KIAA0753: variants seen among roughly 807,000 people sequenced by gnomAD.
The protein encoded by KIAA0753 is KIAA0753, also known as protein moonraker.
KIAA0753 carries 114 observed loss-of-function variants against 116.9 expected under a neutral mutation model. That is an observed-to-expected ratio of 0.98 (90% confidence interval 0.84 to 1.14). The LOEUF is 1.14. Among genes scored for constraint, KIAA0753 ranks in the 50% most tolerant of loss-of-function variants. The probability of loss-of-function intolerance (pLI) is 0.00; values close to 1 mark genes in which losing one functional copy is unlikely to be tolerated. For missense variants in KIAA0753, 1,156 were observed against 1,172.4 expected (o/e 0.99, Z 0.20); for synonymous variants, 405 against 413.1 (o/e 0.98, Z 0.24).
intron 13 of KIAA0753, 79 bp downstream of exon 13, chr17:6,600,301 C>A (rs1273894071): frequency 1.4e-5 from 15 of 1,082,860 alleles, no homozygotes; most frequent in Non-Finnish European, 1.8e-5. Context: ...TATAAAGGAT[C>A]AATGAGACCT....
intron 18 of KIAA0753, among the ~76,000 whole-genome samples, chr17:6,586,105 T>A (rs1158013319): frequency 6.6e-6 from 1 of 152,178 alleles, no homozygotes; most frequent in Non-Finnish European, 1.5e-5. Flanking sequence ...TCTGGTCATT[T>A]AAAAGTGTGT....
At chr17:6,587,119 C>CT (rs1488436422) in intron 18 of KIAA0753, among the ~76,000 whole-genome samples, 72 of 152,198 alleles carry the variant, frequency 4.7e-4, no homozygotes, top group Non-Finnish European at 8.4e-4. Context: ...GTAATCCTAG[C>CT]TACTCAGGAG....
At chr17:6,591,088 AG>A in intron 16 of KIAA0753, among the ~76,000 whole-genome samples, 1 of 139,704 alleles carries the variant, frequency 7.2e-6, no homozygotes. Context: ...AAGAAGAAGA[AG>A]AAGAAGAAGA....
intron 16 of KIAA0753, among the ~76,000 whole-genome samples, chr17:6,594,505 ACAAT>A (rs1231008171): frequency 6.6e-6 from 1 of 152,234 alleles, no homozygotes; most frequent in Non-Finnish European, 1.5e-5. Context: ...GAAACTCTAG[ACAAT>A]CAAAGCTAAC....
chr17:6,623,192 T>A, intron 5 of KIAA0753, 95 bp from the exon 6 acceptor site: 1 of 1,219,052 alleles, frequency 8.2e-7, no homozygotes, highest in African/African-American at 1.5e-5. Context: ...GTCTTCTTTC[T>A]GTATAAAGTG....
In KIAA0753 at chr17:6,579,713, A is replaced by C. The variant is rs1399364047; in HGVS notation, c.*34T>G. 7.0e-7 allele frequency: 1 copy of C among 1,431,634 alleles called. No individual in the cohort carries two copies. Among genetic ancestry groups the C allele is most frequent in the East Asian group, 2.3e-5 (1 of 43,976 alleles). The allele number at this position is 1,431,634 out of a possible 1,614,324, so 88.7% of individuals were successfully genotyped here. On this transcript the variant is annotated 3_prime_UTR_variant, in exon 19 of 19. Transcript: ENST00000361413. ...CAAAGGGTGGTGCCATCCCTTCTCC[A>C]GTGTGACACAAATGGCCTCGCCTCA...
At chr17:6,628,876 T>TA (rs1597597398) in intron 2 of KIAA0753, 135 bp from the exon 3 acceptor site, 2 of 787,434 alleles carry the variant, frequency 2.5e-6, no homozygotes, top group Non-Finnish European at 3.9e-6. Flanking sequence ...GTTTTACTGA[T>TA]AGACACAGCC....
intron 14 of KIAA0753, 104 bp downstream of exon 14, chr17:6,599,133 T>C: frequency 1.3e-6 from 1 of 757,516 alleles, no homozygotes; most frequent in Non-Finnish European, 2.3e-6. Flanking sequence ...ACTTCTTGAG[T>C]AGGATAATCT....
At chr17:6,600,602 C>A in intron 12 of KIAA0753, 144 bp from the exon 13 acceptor site, 1 of 621,776 alleles carries the variant, frequency 1.6e-6, no homozygotes, top group Non-Finnish European at 2.8e-6. Flanking sequence ...TCCTGGGGAT[C>A]TTGTGAAAAT....
chr17:6,621,010 ACAAT>A lies in KIAA0753; in HGVS notation c.1105-16_1105-13del, dbSNP rs1471497279. On this transcript the variant is annotated splice_polypyrimidine_tract_variant and intron_variant, in intron 6 of 18. Coordinates refer to ENST00000361413, the MANE Select transcript of KIAA0753 (RefSeq NM_014804.3). ...AGAGATTCCAAAGCCTGCCACAAAA[ACAAT>A]CAATTATTCTCTTAGTTTATCTCGC... is the stretch of plus-strand genomic sequence containing the variant. The A allele has an allele frequency of 6.2e-7, 1 of 1,610,518 alleles. No homozygotes were observed. The highest frequency in any genetic ancestry group is 1.3e-5 in the African/African-American group (1 of 74,850).
chr17:6,578,341 G>A lies in KIAA0753; in HGVS notation c.*1406C>T, dbSNP rs187635199. 109 of 152,068 alleles carry A rather than the reference G, an allele frequency of 7.2e-4. No homozygotes were observed. Among genetic ancestry groups the A allele is most frequent in the African/African-American group, 1.4e-3 (58 of 41,496 alleles). 9.4% of individuals were successfully genotyped at this position (152,068 alleles called of 1,614,324 possible). On this transcript the variant is annotated 3_prime_UTR_variant, in exon 19 of 19. Transcript: ENST00000361413. ...ATAGGCACATACTTTAAAATATTGGGTTTATTTTAAAAACTCAGCACAGTA... is the reference window on the plus strand; with the variant it reads ...ATAGGCACATACTTTAAAATATTGGATTTATTTTAAAAACTCAGCACAGTA...
chr17:6,632,467 T>C (rs953728091), intron 2 of KIAA0753, among the ~76,000 whole-genome samples: 13 of 152,038 alleles, frequency 8.6e-5, no homozygotes, highest in African/African-American at 3.1e-4. Context: ...AACAAGTAAA[T>C]GTAGAAGGAA....
intron 2 of KIAA0753, among the ~76,000 whole-genome samples, chr17:6,629,077 T>C (rs1164047206): frequency 2.0e-5 from 3 of 152,236 alleles, no homozygotes; most frequent in African/African-American, 4.8e-5. Flanking sequence ...TATTTCAAAA[T>C]GTCAGGCCCC....
chr17:6,622,825 T>C, intron 6 of KIAA0753, 57 bp downstream of exon 6: 2 of 1,417,844 alleles, frequency 1.4e-6, no homozygotes, highest in South Asian at 1.2e-5. Context: ...CGAAACTAGG[T>C]AATAGTAAGC....
chr17:6,631,505 C>T (rs996638899), intron 2 of KIAA0753, among the ~76,000 whole-genome samples: 1 of 152,022 alleles, frequency 6.6e-6, no homozygotes, highest in African/African-American at 2.4e-5. Flanking sequence ...ATTGGAGATA[C>T]CTGTGTGAAC....
intron 17 of KIAA0753, 33 bp downstream of exon 17, chr17:6,590,477 A>G: frequency 6.2e-7 from 1 of 1,612,056 alleles, no homozygotes; most frequent in East Asian, 2.2e-5. Context: ...GTGACTGACT[A>G]GAATGAAATC....
chr17:6,611,628 C>T (rs1970552330), intron 8 of KIAA0753, among the ~76,000 whole-genome samples: 1 of 152,078 alleles, frequency 6.6e-6, no homozygotes, highest in Non-Finnish European at 1.5e-5. Flanking sequence ...CTCACACTTC[C>T]AAATCAGAAG....
intron 18 of KIAA0753, 129 bp from the exon 19 acceptor site, chr17:6,579,993 G>C (rs1451150576): frequency 4.7e-6 from 3 of 635,680 alleles, no homozygotes; most frequent in Non-Finnish European, 8.5e-6. Context: ...GACCAGCCTG[G>C]CCAACATGGT....
intron 7 of KIAA0753, among the ~76,000 whole-genome samples, chr17:6,614,063 A>G (rs779543089): frequency 1.2e-4 from 18 of 152,270 alleles, no homozygotes; most frequent in Non-Finnish European, 2.6e-4. Context: ...CAATTTAGAC[A>G]GAAAATCTGA....
Sources: gnomAD v4.1 joint callset for allele counts (sites outside exome capture counted in the v4.1 genomes callset) on GRCh38, gnomAD v4.1.1 for gene constraint, MANE v1.5 for transcripts, NCBI Gene and HGNC (gene_info 2026-07-23, HGNC 2026-07-21) for gene names.